Variants in KLK4 observed in about 807,000 individuals in gnomAD.
KLK4 encodes kallikrein-4.
Under a neutral mutation model 24.3 loss-of-function variants are expected in KLK4, and 24 were observed. That is an observed-to-expected ratio of 0.99 (90% CI 0.72 to 1.39). KLK4 has a LOEUF of 1.39. Ranked by LOEUF, KLK4 falls within the 40% of genes most tolerant of loss-of-function variation. The pLI, the probability that KLK4 is intolerant of heterozygous loss-of-function variation, is 0.00. For synonymous variants in KLK4, 142 were observed against 138.8 expected, an observed-to-expected ratio of 1.02 and a Z score of -0.16; for missense variants, 344 against 327.4, an observed-to-expected ratio of 1.05 and a Z score of -0.39.
chr19:50,909,800 AT>A (rs1397043908), intron 2 of KLK4, among the ~76,000 whole-genome samples: 1 of 148,964 alleles, frequency 6.7e-6, no homozygotes, highest in Non-Finnish European at 1.5e-5. Flanking sequence ...CTGGTCAGGG[AT>A]TCAGGGTAGT....
intron 5 of KLK4, 84 bp downstream of exon 5, chr19:50,908,275 C>A: frequency 1.3e-6 from 2 of 1,530,246 alleles, no homozygotes; most frequent in Non-Finnish European, 1.8e-6. Flanking sequence ...ATCTCTGCAT[C>A]TCGCCATGCG....
chr19:50,907,598 G>A (rs77443570), intron 5 of KLK4, among the ~76,000 whole-genome samples: 2,434 of 152,048 alleles, frequency 0.016, 75 homozygotes, highest in African/African-American at 0.055. Context: ...GTACAGACAG[G>A]ATTTCACCAT....
rs911798950 is a variant in KLK4, at chr19:50,909,239, C to T, written c.224+13G>A. On this transcript the variant is annotated intron_variant, in intron 3 of 5. Coordinates refer to ENST00000324041, the Ensembl canonical transcript of KLK4. ...ACCCAGGCCCTGCCCACTCCCCCTA[C>T]CTCTGCACTCACTTCTGGAAACAGT... 2 of 1,614,120 alleles carry T rather than the reference C, an allele frequency of 1.2e-6. No homozygotes were observed. The highest frequency in any genetic ancestry group is 1.7e-6 in the Non-Finnish European group (2 of 1,179,994).
chr19:50,908,163 T>G, intron 5 of KLK4, 196 bp downstream of exon 5: 3 of 684,910 alleles, frequency 4.4e-6, no homozygotes, highest in Non-Finnish European at 4.9e-6. Flanking sequence ...CCATGTCTGT[T>G]TCTGTTTCTC....
chr19:50,910,777 T>G lies in KLK4; in HGVS notation c.-11-28A>C. The stretch of plus-strand genomic sequence containing the variant: ...GGGGATGAGGACTGAGACTTAGCCG[T>G]GTCTGGGGATCTTCAGCCCAAGTCT... On this transcript the variant is annotated intron_variant, in intron 1 of 5. Transcript: ENST00000324041. This position sits in a 1 kb window ranked among gnomAD's most constrained non-coding sequence, Gnocchi z 4.4. 1 of 1,533,162 alleles carries G rather than the reference T, an allele frequency of 6.5e-7. No individual in the cohort carries two copies. The highest frequency in any genetic ancestry group is 8.8e-7 in the Non-Finnish European group (1 of 1,130,134). 95.0% of individuals were successfully genotyped at this position (1,533,162 alleles called of 1,614,324 possible). A position where few individuals can be genotyped will look rare whatever the true frequency, so the allele number is the denominator to read the frequency against.
chr19:50,910,842 G>A lies in KLK4; in HGVS notation c.-11-93C>T. ...TTGTCCCTCCCTTTCTTCCCTCTGGGACGTTATTAGGTAGGCAAGAGCCTA... is the reference window on the plus strand; with the variant it reads ...TTGTCCCTCCCTTTCTTCCCTCTGGAACGTTATTAGGTAGGCAAGAGCCTA... On this transcript the variant is annotated intron_variant, in intron 1 of 5. Coordinates refer to ENST00000324041, the Ensembl canonical transcript of KLK4. The surrounding 1 kb of genome is among the most constrained non-coding windows in gnomAD (Gnocchi z 4.4). 8.9e-7 allele frequency: 1 copy of A among 1,126,060 alleles called. No homozygotes were observed. Among genetic ancestry groups the A allele is most frequent in the Non-Finnish European group, 1.3e-6 (1 of 762,532 alleles). 69.8% of individuals were successfully genotyped at this position (1,126,060 alleles called of 1,614,324 possible).
rs1013467859 is a variant in KLK4, at chr19:50,910,775, C to T, written c.-11-26G>A. The stretch of plus-strand genomic sequence containing the variant: ...CTGGGGATGAGGACTGAGACTTAGC[C>T]GTGTCTGGGGATCTTCAGCCCAAGT... On this transcript the variant is annotated intron_variant, in intron 1 of 5. Coordinates refer to ENST00000324041, the Ensembl canonical transcript of KLK4. This position sits in a 1 kb window ranked among gnomAD's most constrained non-coding sequence, Gnocchi z 4.4. 2.1e-5 allele frequency: 33 copies of T among 1,537,370 alleles called. No homozygotes were observed. The highest frequency in any genetic ancestry group is 1.9e-4 in the South Asian group (16 of 83,752).
chr19:50,907,985 T>C (rs2090448492), intron 5 of KLK4: 1 of 357,748 alleles, frequency 2.8e-6, no homozygotes. Context: ...ATAAATCGAC[T>C]ATTTATGTTA....
At chr19:50,908,863 C>T (rs2090460672) in intron 3 of KLK4, 34 bp from the exon 4 acceptor site, 3 of 1,605,672 alleles carry the variant, frequency 1.9e-6, no homozygotes, top group Non-Finnish European at 1.7e-6. Context: ...AGTTTTGTGG[C>T]AACTACATCC....
At chr19:50,909,309 C>G in exon 3 of KLK4, 1 of 1,614,242 alleles carries the variant, frequency 6.2e-7, no homozygotes, top group Non-Finnish European at 8.5e-7. Context: ...GACGCCCGAG[C>G]AGAACAATTC....
In KLK4 at chr19:50,910,477, C is replaced by T. The variant is rs533110883; in HGVS notation, c.61+201G>A. Among the ~76,000 whole-genome samples the T allele has an allele frequency of 2.6e-5, 4 of 152,204 alleles. No homozygotes were observed. In the South Asian group the frequency reaches 6.2e-4, roughly 24 times the overall value. On this transcript the variant is annotated intron_variant, in intron 2 of 5. Coordinates refer to ENST00000324041, the Ensembl canonical transcript of KLK4. This position sits in a 1 kb window ranked among gnomAD's most constrained non-coding sequence, Gnocchi z 4.4. ...ACTGTCAGAGTCTCACAGGTACAAC[C>T]ACACACCCAGGCACACTGCCACACA... is the stretch of plus-strand genomic sequence containing the variant.
At position 50,909,070 on chromosome 19, in the gene KLK4, C is replaced by G. The variant is rs2978643; in HGVS notation, c.224+182G>C. 346,709 of 1,480,498 alleles carry G rather than the reference C, an allele frequency of 0.23. 42,436 individuals are homozygous for G. Among genetic ancestry groups the G allele is most frequent in the African/African-American group, 0.38 (27,263 of 71,476 alleles). 91.7% of individuals were successfully genotyped at this position (1,480,498 alleles called of 1,614,324 possible). A position where few individuals can be genotyped will look rare whatever the true frequency, so the allele number is the denominator to read the frequency against. On this transcript the variant is annotated intron_variant, in intron 3 of 5. Transcript: ENST00000324041. ...GATTTCAAGTCAGGACTCTCTGAGT[C>G]CTTCCGAAGCAAGATTCCCGCCTCC...
intron 2 of KLK4, 53 bp from the exon 3 acceptor site, chr19:50,909,467 C>CT: frequency 2.5e-6 from 4 of 1,590,708 alleles, no homozygotes; most frequent in Non-Finnish European, 3.4e-6. Flanking sequence ...CCCAGGGTTC[C>CT]TGGGGGTGGG....
In KLK4 at chr19:50,908,351, T is replaced by C; in HGVS notation, c.612+8A>G. 1 of 1,612,362 alleles carries C rather than the reference T, an allele frequency of 6.2e-7. No homozygotes were observed. Among genetic ancestry groups the C allele is most frequent in the South Asian group, 1.1e-5 (1 of 91,034 alleles). On this transcript the variant is annotated splice_region_variant and intron_variant, in intron 5 of 5. Transcript: ENST00000324041. ...GAGTCGCCTGCCCTCCCCTTTCCCC[T>C]CTCTCACGTTGCAGGAGTCCTTCTG...
Position 50,910,648 on chromosome 19 carries a change from GGACA to G in KLK4, c.61+26_61+29del. The G allele has an allele frequency of 6.5e-7, 1 of 1,546,276 alleles. No individual in the cohort carries two copies. The highest frequency in any genetic ancestry group is 8.8e-7 in the Non-Finnish European group (1 of 1,141,730). On this transcript the variant is annotated intron_variant, in intron 2 of 5. Transcript: ENST00000324041. This position sits in a 1 kb window ranked among gnomAD's most constrained non-coding sequence, Gnocchi z 4.4. Reference sequence around the variant, plus strand: ...TAACAAACACTGTGCCCCCAAGCACGGACAGACACACACACGCATACTCAGATAC... The same window carrying G: ...TAACAAACACTGTGCCCCCAAGCACGGACACACACACGCATACTCAGATAC...
At chr19:50,906,964 C>T (rs772230270) in exon 6 of KLK4, 3 of 1,614,190 alleles carry the variant, frequency 1.9e-6, no homozygotes, top group Admixed American at 1.7e-5. Context: ...TCTCTATCCA[C>T]TCAGTGAATT....
At chr19:50,908,441 A>T in exon 5 of KLK4, 8 of 1,613,558 alleles carry the variant, frequency 5.0e-6, no homozygotes, top group Non-Finnish European at 6.8e-6. Context: ...CTTACTGCAG[A>T]CCTCCTCAGA....
At chr19:50,909,689 TG>T (rs1480833454) in intron 2 of KLK4, among the ~76,000 whole-genome samples, 5 of 146,272 alleles carry the variant, frequency 3.4e-5, no homozygotes, top group Non-Finnish European at 6.0e-5. Context: ...CCAGGGCTCC[TG>T]GGGGTGGGGT....
Position 50,910,496 on chromosome 19 carries a change from CCA to C in KLK4, c.61+180_61+181del, listed in dbSNP as rs912808591. ...TACAACCACACACCCAGGCACACTG[CCA>C]CACACAAATTTACCACGATACAAGG... On this transcript the variant is annotated intron_variant, in intron 2 of 5. Coordinates refer to ENST00000324041, the Ensembl canonical transcript of KLK4. The surrounding 1 kb of genome is among the most constrained non-coding windows in gnomAD (Gnocchi z 4.4). Among the ~76,000 whole-genome samples, 1 of 152,068 alleles carries C rather than the reference CCA, an allele frequency of 6.6e-6. No homozygotes were observed. The highest frequency in any genetic ancestry group is 2.4e-5 in the African/African-American group (1 of 41,386).
Sources: gnomAD v4.1 joint callset for allele counts (sites outside exome capture counted in the v4.1 genomes callset) on GRCh38, gnomAD v4.1.1 for gene constraint, Gnocchi (gnomAD v3.1) non-coding constraint, MANE v1.5 for transcripts, NCBI Gene and HGNC (gene_info 2026-07-23, HGNC 2026-07-21) for gene names.